ERC2: variants seen among roughly 807,000 people sequenced by gnomAD.
ERC2 encodes the protein ELKS/RAB6-interacting/CAST family member 2, also known as ERC protein 2.
Under a neutral mutation model 114.8 loss-of-function variants are expected in ERC2, and 42 were observed. The observed-to-expected ratio is 0.37, with a 90% CI of 0.29 to 0.47. The LOEUF (loss-of-function observed/expected upper bound fraction) is 0.47, where lower values mean the gene tolerates loss of function less well. Ranked by LOEUF, ERC2 falls within the 20% of genes least tolerant of loss-of-function variation. The pLI, the probability that ERC2 is intolerant of heterozygous loss-of-function variation, is 0.99. For missense variants in ERC2, 939 were observed against 1,150.7 expected, an observed-to-expected ratio of 0.82 and a Z score of 2.66; for synonymous variants, 454 against 425.5, an observed-to-expected ratio of 1.07 and a Z score of -0.82.
intron 3 of ERC2, among the ~76,000 whole-genome samples, chr3:56,194,429 G>T (rs1242050832): frequency 2.6e-5 from 4 of 152,148 alleles, no homozygotes; most frequent in Non-Finnish European, 4.4e-5. Flanking sequence ...GTACTCTACA[G>T]CCTGGGAGAC....
Position 56,435,139 on chromosome 3 carries a change from C to A in ERC2, c.-132G>T. 3.1e-6 allele frequency: 2 copies of A among 650,786 alleles called. No homozygotes were observed. The highest frequency in any genetic ancestry group is 2.1e-5 in the South Asian group (1 of 48,428). The allele number at this position is 650,786 out of a possible 1,614,324, so 40.3% of individuals were successfully genotyped here. A position where few individuals can be genotyped will look rare whatever the true frequency, so the allele number is the denominator to read the frequency against. On this transcript the variant is annotated 5_prime_UTR_variant, in exon 2 of 18. Coordinates refer to ENST00000288221, the MANE Select transcript of ERC2 (RefSeq NM_015576.3). ...CAGTCCGTACCAGAAAATAACTCCA[C>A]TCAGAGATCTACAAAGTGAAAAAAA...
At chr3:55,999,739 A>G (rs1220802383) in intron 10 of ERC2, among the ~76,000 whole-genome samples, 1 of 151,770 alleles carries the variant, frequency 6.6e-6, no homozygotes, top group South Asian at 2.1e-4. Context: ...ACTGGAATAA[A>G]TACAAGTTGG....
At chr3:55,931,407 G>T (rs1576249417) in intron 13 of ERC2, among the ~76,000 whole-genome samples, 1 of 152,312 alleles carries the variant, frequency 6.6e-6, no homozygotes, top group South Asian at 2.1e-4. Flanking sequence ...ATACACTATG[G>T]AATACTATGC....
intron 2 of ERC2, among the ~76,000 whole-genome samples, chr3:56,426,223 A>G (rs1357610434): frequency 6.6e-6 from 1 of 152,206 alleles, no homozygotes; most frequent in Non-Finnish European, 1.5e-5. Context: ...GCCTGAGAGA[A>G]GGTAAGGGAT....
chr3:55,984,486 C>T (rs1420371429), intron 12 of ERC2, among the ~76,000 whole-genome samples: 1 of 152,028 alleles, frequency 6.6e-6, no homozygotes, highest in Non-Finnish European at 1.5e-5. Context: ...GAGGGGGATA[C>T]AGGCAGGCAA....
chr3:56,149,690 C>A (rs186413811), intron 4 of ERC2, among the ~76,000 whole-genome samples: 1 of 152,078 alleles, frequency 6.6e-6, no homozygotes, highest in East Asian at 1.9e-4. Context: ...ATGACTGATA[C>A]ACTAAATATT....
At chr3:56,162,172 G>A (rs573453958) in intron 4 of ERC2, among the ~76,000 whole-genome samples, 1 of 152,206 alleles carries the variant, frequency 6.6e-6, no homozygotes, top group East Asian at 1.9e-4. Flanking sequence ...TTCTGTTTAT[G>A]TGTTGAACAC....
At chr3:56,166,858 C>T (rs866508517) in intron 4 of ERC2, among the ~76,000 whole-genome samples, 3 of 152,030 alleles carry the variant, frequency 2.0e-5, no homozygotes, top group South Asian at 2.1e-4. Context: ...TTTGGTGCTC[C>T]ACTCTAGTAT....
chr3:55,968,525 T>C (rs185174103), intron 12 of ERC2, among the ~76,000 whole-genome samples: 150 of 152,314 alleles, frequency 9.8e-4, no homozygotes, highest in East Asian at 5.2e-3. Flanking sequence ...CTCAGACCTG[T>C]GCAGTTTGCT....
At chr3:55,804,725 G>A (rs1270069744) in intron 14 of ERC2, among the ~76,000 whole-genome samples, 6 of 152,002 alleles carry the variant, frequency 3.9e-5, no homozygotes, top group African/African-American at 1.4e-4. Flanking sequence ...ACCTTCCATA[G>A]CAGGAATGGA....
At chr3:56,013,744 T>C (rs1006507539) in intron 8 of ERC2, among the ~76,000 whole-genome samples, 1 of 152,206 alleles carries the variant, frequency 6.6e-6, no homozygotes, top group Non-Finnish European at 1.5e-5. Context: ...TTTCTCAAAG[T>C]GTAGCCTTCT....
At chr3:56,183,742 G>A (rs1242716560) in intron 3 of ERC2, among the ~76,000 whole-genome samples, 3 of 152,112 alleles carry the variant, frequency 2.0e-5, no homozygotes, top group Non-Finnish European at 4.4e-5. Context: ...TGAGGGTGAC[G>A]TCATGCCTAG....
chr3:55,601,227 A>G (rs1033936203), intron 17 of ERC2, among the ~76,000 whole-genome samples: 2 of 152,158 alleles, frequency 1.3e-5, no homozygotes, highest in African/African-American at 2.4e-5. Flanking sequence ...ATCGTATATT[A>G]TATTTTCCGG....
At chr3:56,262,450 G>A (rs577161574) in intron 3 of ERC2, among the ~76,000 whole-genome samples, 3 of 152,318 alleles carry the variant, frequency 2.0e-5, no homozygotes, top group South Asian at 4.1e-4. Context: ...GAGTAGCAAT[G>A]TATTAAAGAG....
At chr3:56,281,487 A>G (rs1339766659) in intron 3 of ERC2, among the ~76,000 whole-genome samples, 1 of 151,280 alleles carries the variant, frequency 6.6e-6, no homozygotes, top group East Asian at 1.9e-4. Flanking sequence ...CTCTGCTTAC[A>G]ATTTGTGCAC....
At chr3:55,652,616 G>A (rs1326977058) in intron 17 of ERC2, among the ~76,000 whole-genome samples, 4 of 152,186 alleles carry the variant, frequency 2.6e-5, no homozygotes, top group Non-Finnish European at 5.9e-5. Flanking sequence ...GCTCATGCCT[G>A]TAATCCCAGC....
chr3:56,409,517 G>GAAAAA (rs558292657), intron 2 of ERC2, among the ~76,000 whole-genome samples: 1 of 77,678 alleles, frequency 1.3e-5, no homozygotes. Context: ...AAGCTAGACA[G>GAAAAA]AAAAAAAAAA....
chr3:55,643,377 C>A (rs2060266395), intron 17 of ERC2, among the ~76,000 whole-genome samples: 1 of 152,204 alleles, frequency 6.6e-6, no homozygotes, highest in African/African-American at 2.4e-5. Context: ...ATATAGAGCA[C>A]TGGCAAGGCC....
At chr3:55,830,883 G>A (rs752842680) in intron 14 of ERC2, among the ~76,000 whole-genome samples, 1 of 152,158 alleles carries the variant, frequency 6.6e-6, no homozygotes. Context: ...ATTTGAGGCT[G>A]CAGTGAGCTA....
Sources: allele counts gnomAD v4.1 joint callset (sites outside exome capture counted in the v4.1 genomes callset), GRCh38; gene constraint gnomAD v4.1.1; transcripts MANE v1.5; gene names NCBI Gene and HGNC (gene_info 2026-07-23, HGNC 2026-07-21).